Variants in TMTC2 observed in about 807,000 individuals in gnomAD.
The protein encoded by TMTC2 is transmembrane O-mannosyltransferase targeting cadherins 2, also known as protein O-mannosyl-transferase TMTC2.
TMTC2 carries 43 observed loss-of-function variants against 82.4 expected under a neutral mutation model. The observed-to-expected ratio is 0.52, with a 90% CI of 0.41 to 0.67. The LOEUF is 0.67. Among genes scored for constraint, TMTC2 ranks in the 30% least tolerant of loss-of-function variants. TMTC2 has a pLI of 0.00. For missense variants in TMTC2, 919 were observed against 1,012.4 expected (o/e 0.91, Z 1.25); for synonymous variants, 408 against 381.9 (o/e 1.07, Z -0.80).
intron 9 of TMTC2, among the ~76,000 whole-genome samples, chr12:83,038,445 G>GT (rs1351805592): frequency 2.6e-5 from 4 of 151,980 alleles, no homozygotes; most frequent in Admixed American, 1.3e-4. Context: ...AGGAAATAAA[G>GT]TTTTTTTAAT....
intron 8 of TMTC2, among the ~76,000 whole-genome samples, chr12:83,009,846 A>G (rs1880375199): frequency 6.6e-6 from 1 of 151,888 alleles, no homozygotes; most frequent in East Asian, 1.9e-4. Context: ...TTGGGATTAG[A>G]CTCTTCCACC....
At chr12:82,773,136 T>G (rs2136998076) in intron 1 of TMTC2, among the ~76,000 whole-genome samples, 1 of 152,318 alleles carries the variant, frequency 6.6e-6, no homozygotes, top group East Asian at 1.9e-4. Flanking sequence ...TTGCTGCTTC[T>G]AAACTTTCTC....
intron 8 of TMTC2, among the ~76,000 whole-genome samples, chr12:82,991,443 A>G (rs1879399634): frequency 6.6e-6 from 1 of 152,216 alleles, no homozygotes. Flanking sequence ...ATTATTAGGC[A>G]TGATAGGTCA....
intron 1 of TMTC2, among the ~76,000 whole-genome samples, chr12:82,692,789 A>G (rs1872633731): frequency 6.6e-6 from 1 of 152,192 alleles, no homozygotes; most frequent in African/African-American, 2.4e-5. Context: ...TCCTCTATAA[A>G]TAGCTGTCCT....
At chr12:82,846,726 G>T (rs1870704139) in intron 1 of TMTC2, among the ~76,000 whole-genome samples, 1 of 152,104 alleles carries the variant, frequency 6.6e-6, no homozygotes, top group South Asian at 2.1e-4. Flanking sequence ...TGACCATTGG[G>T]TGTCTGACAA....
intron 1 of TMTC2, among the ~76,000 whole-genome samples, chr12:82,750,544 G>C (rs1311077182): frequency 1.3e-5 from 2 of 151,838 alleles, no homozygotes; most frequent in Non-Finnish European, 2.9e-5. Context: ...GATATGTAGA[G>C]AGGTTTTTTT....
chr12:82,687,718 C>A, intron 1 of TMTC2, 49 bp downstream of exon 1: 1 of 1,547,196 alleles, frequency 6.5e-7, no homozygotes, highest in Non-Finnish European at 8.8e-7. Flanking sequence ...GCACACTCCG[C>A]AGTGGCTCTG....
At chr12:82,934,094 C>T (rs1388085092) in intron 4 of TMTC2, among the ~76,000 whole-genome samples, 8 of 151,962 alleles carry the variant, frequency 5.3e-5, no homozygotes, top group Non-Finnish European at 1.2e-4. Flanking sequence ...AGCTTTTCTT[C>T]AAAGGAAATC....
chr12:82,861,460 A>G (rs770332362), intron 2 of TMTC2, among the ~76,000 whole-genome samples: 6 of 152,256 alleles, frequency 3.9e-5, no homozygotes, highest in Non-Finnish European at 8.8e-5. Flanking sequence ...AAAATGTTAC[A>G]AGACTCATGC....
Position 82,857,076 on chromosome 12 carries a change from T to C in TMTC2, c.150T>C (p.Asp50=). Residue 50 remains aspartate, a synonymous_variant, in exon 2 of 12, where the codon GAT becomes GAC. Transcript: ENST00000321196. ...ETPWTHIFYN[D]FWGTLLTHSG... ...CATGGACGCACATTTTCTACAATGA[T>C]TTTTGGGGGACTCTTCTAACCCACA... is the stretch of plus-strand genomic sequence containing the variant. 6.2e-7 allele frequency: 1 copy of C among 1,613,688 alleles called. No individual in the cohort carries two copies. The highest frequency in any genetic ancestry group is 8.5e-7 in the Non-Finnish European group (1 of 1,180,024).
In TMTC2 at chr12:83,122,349, T is replaced by A. The variant is rs369499291; in HGVS notation, c.2332-9861T>A. Among the ~76,000 whole-genome samples, 195 of 151,262 alleles carry A rather than the reference T, an allele frequency of 1.3e-3. 2 individuals carry two copies. Among genetic ancestry groups the A allele is most frequent in the Non-Finnish European group, 1.6e-3 (107 of 67,862 alleles). ...AAGTTCTGGCCAGGAGACTTCCTGA[T>A]CAGTTCACATTGTTACAAACTTCAG... On this transcript the variant is annotated intron_variant, in intron 11 of 11. Coordinates refer to ENST00000321196, the MANE Select transcript of TMTC2 (RefSeq NM_152588.3).
chr12:82,954,621 C>A (rs1877519682), intron 4 of TMTC2, among the ~76,000 whole-genome samples: 1 of 152,206 alleles, frequency 6.6e-6, no homozygotes, highest in African/African-American at 2.4e-5. Flanking sequence ...GCAGGGACAT[C>A]AGCTGTGTTA....
intron 9 of TMTC2, among the ~76,000 whole-genome samples, chr12:83,032,230 G>A (rs912846926): frequency 3.6e-5 from 5 of 139,492 alleles, no homozygotes; most frequent in Admixed American, 2.2e-4. Flanking sequence ...TTCTAAACTT[G>A]TTTCCTATAA....
intron 2 of TMTC2, among the ~76,000 whole-genome samples, chr12:82,889,412 G>T (rs1873280135): frequency 6.6e-6 from 1 of 152,058 alleles, no homozygotes; most frequent in Non-Finnish European, 1.5e-5. Flanking sequence ...AAACCTTTTA[G>T]TTTTTTCAAA....
chr12:83,007,857 G>T (rs556634268), intron 8 of TMTC2, among the ~76,000 whole-genome samples: 1 of 152,180 alleles, frequency 6.6e-6, no homozygotes, highest in African/African-American at 2.4e-5. Flanking sequence ...AAAGTTTATA[G>T]TTCTGCTTCA....
In TMTC2 at chr12:82,806,864, G is replaced by A. The variant is rs185507385; in HGVS notation, c.84-50146G>A. 3.3e-4 allele frequency among the ~76,000 whole-genome samples: 50 copies of A among 151,804 alleles called. No individual in the cohort carries two copies. In the East Asian group the frequency reaches 7.4e-3, roughly 22 times the overall value. On this transcript the variant is annotated intron_variant, in intron 1 of 11. Coordinates refer to ENST00000321196, the MANE Select transcript of TMTC2 (RefSeq NM_152588.3). ...AAGGCAAAAGAAAATCTGTATAAGT[G>A]GATCCACACTGTTAAAACGTTTGTT...
intron 11 of TMTC2, among the ~76,000 whole-genome samples, chr12:83,076,424 T>C (rs1218931382): frequency 6.6e-6 from 1 of 152,226 alleles, no homozygotes; most frequent in Non-Finnish European, 1.5e-5. Context: ...GGGGTATCTT[T>C]TGCATGGAGT....
chr12:82,983,525 A>G (rs1224952039), intron 7 of TMTC2, among the ~76,000 whole-genome samples: 1 of 152,088 alleles, frequency 6.6e-6, no homozygotes, highest in Non-Finnish European at 1.5e-5. Context: ...AATAAATTTT[A>G]AATATTAACA....
At chr12:82,963,245 TTTC>T (rs1878021403) in intron 4 of TMTC2, among the ~76,000 whole-genome samples, 1 of 151,972 alleles carries the variant, frequency 6.6e-6, no homozygotes, top group Admixed American at 6.6e-5. Flanking sequence ...ATACGGGTGT[TTTC>T]TTCTCCTATG....
Sources: allele counts gnomAD v4.1 joint callset (sites outside exome capture counted in the v4.1 genomes callset), GRCh38; gene constraint gnomAD v4.1.1; transcripts MANE v1.5; gene names NCBI Gene and HGNC (gene_info 2026-07-23, HGNC 2026-07-21).